EXOC6B: variants seen among roughly 807,000 people sequenced by gnomAD.
EXOC6B encodes the protein exocyst complex component 6B, also known as SEC15 homolog B.
Under a neutral mutation model 113.5 loss-of-function variants are expected in EXOC6B, and 54 were observed. The ratio of observed to expected loss-of-function variants is 0.48; its 90% CI spans 0.38 to 0.60. The LOEUF is 0.60. EXOC6B is among the 20% of genes least tolerant of loss of function. The pLI, the probability that EXOC6B is intolerant of heterozygous loss-of-function variation, is 0.00. For synonymous variants in EXOC6B, 357 were observed against 339.0 expected (o/e 1.05, Z -0.58); for missense variants, 797 against 977.5 (o/e 0.82, Z 2.46).
chr2:72,328,217 GAAAACTCTGCTTCCA>G (rs961251318), intron 20 of EXOC6B, among the ~76,000 whole-genome samples: 4 of 152,060 alleles, frequency 2.6e-5, no homozygotes, highest in African/African-American at 9.7e-5. Context: ...AAAACGACCA[GAAAACTCTGCTTCCA>G]AAAACCAAAG....
intron 20 of EXOC6B, among the ~76,000 whole-genome samples, chr2:72,332,075 A>C (rs1442085403): frequency 6.6e-6 from 1 of 151,614 alleles, no homozygotes; most frequent in Admixed American, 6.6e-5. Flanking sequence ...CATATAAGAC[A>C]GCAAGGCAAA....
Position 72,465,222 on chromosome 2 carries a change from C to T in EXOC6B, c.1918G>A (p.Asp640Asn). ...AAGGCAATGAGGTCTACCAGGTAAT[C>T]ACTAGCTTTGTTGCCCAAATCTCCG... The part of the protein sequence containing the change: ...MTGDLGNKAS[D>N]YLVDLIAFLR... The change falls in exon 18 of 22, where the codon GAT (aspartate) becomes AAT (asparagine). Residue 640 changes from aspartate (D) to asparagine (N), a missense_variant. Coordinates refer to ENST00000272427, the MANE Select transcript of EXOC6B (RefSeq NM_015189.3). 1 of 1,611,786 alleles carries T rather than the reference C, an allele frequency of 6.2e-7. No individual in the cohort carries two copies. The highest frequency in any genetic ancestry group is 8.5e-7 in the Non-Finnish European group (1 of 1,178,968).
At chr2:72,401,638 CATAT>C (rs1343954890) in intron 18 of EXOC6B, among the ~76,000 whole-genome samples, 1 of 15,486 alleles carries the variant, frequency 6.5e-5, no homozygotes, top group East Asian at 1.0e-3. Context: ...TATATATATA[CATAT>C]ATACATATAT....
chr2:72,405,824 A>C (rs1348269133), intron 18 of EXOC6B, among the ~76,000 whole-genome samples: 1 of 152,204 alleles, frequency 6.6e-6, no homozygotes, highest in Non-Finnish European at 1.5e-5. Flanking sequence ...CTAACATCAT[A>C]ATGACAGGAT....
chr2:72,595,268 TATATATAG>T (rs1187657801), intron 6 of EXOC6B, among the ~76,000 whole-genome samples: 17 of 146,834 alleles, frequency 1.2e-4, no homozygotes, highest in African/African-American at 2.8e-4. Flanking sequence ...CTCAAATATA[TATATATAG>T]ATATATAGAT....
intron 5 of EXOC6B, among the ~76,000 whole-genome samples, chr2:72,729,397 G>A (rs1478959900): frequency 6.7e-6 from 1 of 148,486 alleles, no homozygotes; most frequent in African/African-American, 2.5e-5. Flanking sequence ...ATTCTGAGAA[G>A]TTGGTACACA....
rs186669015 is a variant in EXOC6B, at chr2:72,238,572, C to T, written c.2197-54385G>A. 3.2e-3 allele frequency among the ~76,000 whole-genome samples: 494 copies of T among 152,234 alleles called. 2 individuals carry two copies. The highest frequency in any genetic ancestry group is 0.011 in the African/African-American group (469 of 41,532). On this transcript the variant is annotated intron_variant, in intron 20 of 21. Transcript: ENST00000272427. ...ACATCCCCACCAATGCTTGTTGTTA[C>T]TTGTCTTTTTTATTCTAGCTATCCT...
At chr2:72,227,357 AGGGTCACTACACAC>A (rs1390135040) in intron 20 of EXOC6B, among the ~76,000 whole-genome samples, 1 of 152,184 alleles carries the variant, frequency 6.6e-6, no homozygotes, top group East Asian at 1.9e-4. Context: ...AGGAATAAAA[AGGGTCACTACACAC>A]TAGTAAAAGA....
intron 20 of EXOC6B, among the ~76,000 whole-genome samples, chr2:72,293,344 A>T (rs963764406): frequency 5.9e-5 from 9 of 152,158 alleles, no homozygotes; most frequent in African/African-American, 2.2e-4. Flanking sequence ...AAGAATGGAG[A>T]CACAATATGG....
intron 20 of EXOC6B, among the ~76,000 whole-genome samples, chr2:72,250,882 C>T (rs1025174274): frequency 4.0e-5 from 6 of 151,084 alleles, no homozygotes; most frequent in Admixed American, 4.0e-4. Context: ...TGAGGTTTTG[C>T]TGTTGCCCAG....
chr2:72,785,819 T>C lies in EXOC6B; in HGVS notation c.113+39979A>G, dbSNP rs144965788. Among the ~76,000 whole-genome samples the C allele has an allele frequency of 4.8e-3, 732 of 152,358 alleles. 6 individuals carry two copies. Among genetic ancestry groups the C allele is most frequent in the Non-Finnish European group, 7.1e-3 (481 of 68,032 alleles). ...TTAACATTAGGCTCCTTGATACTTATCCAAATTTCTGCAGCTGGCTTAAAT... is the reference window on the plus strand; with the variant it reads ...TTAACATTAGGCTCCTTGATACTTACCCAAATTTCTGCAGCTGGCTTAAAT... On this transcript the variant is annotated intron_variant, in intron 1 of 21. Coordinates refer to ENST00000272427, the MANE Select transcript of EXOC6B (RefSeq NM_015189.3).
intron 6 of EXOC6B, among the ~76,000 whole-genome samples, chr2:72,708,777 T>C (rs2104677277): frequency 6.6e-6 from 1 of 152,254 alleles, no homozygotes; most frequent in South Asian, 2.1e-4. Context: ...TCACCCAGGC[T>C]GGACTACACT....
chr2:72,310,852 C>A (rs185622154), intron 20 of EXOC6B, among the ~76,000 whole-genome samples: 1 of 104,136 alleles, frequency 9.6e-6, no homozygotes, highest in East Asian at 2.2e-4. Flanking sequence ...TTTCATTTAA[C>A]ACACACACAC....
intron 5 of EXOC6B, among the ~76,000 whole-genome samples, chr2:72,730,762 C>T (rs754102680): frequency 1.3e-5 from 2 of 151,978 alleles, no homozygotes; most frequent in African/African-American, 4.8e-5. Context: ...ATGCTTTTCC[C>T]TAAAAGACTG....
intron 6 of EXOC6B, among the ~76,000 whole-genome samples, chr2:72,576,888 AAT>A (rs1704903339): frequency 1.3e-5 from 2 of 152,140 alleles, no homozygotes; most frequent in Admixed American, 6.5e-5. Context: ...TACATTTCTT[AAT>A]CAATATAAGA....
intron 6 of EXOC6B, among the ~76,000 whole-genome samples, chr2:72,696,964 T>C (rs1334792075): frequency 1.3e-5 from 2 of 152,202 alleles, no homozygotes; most frequent in South Asian, 2.1e-4. Flanking sequence ...GAAAAGAACA[T>C]ACAAAATTTG....
intron 6 of EXOC6B, among the ~76,000 whole-genome samples, chr2:72,605,393 G>A (rs1009749700): frequency 6.6e-6 from 1 of 151,968 alleles, no homozygotes; most frequent in African/African-American, 2.4e-5. Context: ...ACCATGGGGA[G>A]GGCTTCACAA....
At chr2:72,323,150 A>G (rs1197117640) in intron 20 of EXOC6B, among the ~76,000 whole-genome samples, 1 of 152,188 alleles carries the variant, frequency 6.6e-6, no homozygotes, top group Non-Finnish European at 1.5e-5. Flanking sequence ...AAAAACAAAC[A>G]ACCCCATCAA....
At chr2:72,501,172 T>C (rs1700302020) in intron 11 of EXOC6B, among the ~76,000 whole-genome samples, 1 of 152,202 alleles carries the variant, frequency 6.6e-6, no homozygotes, top group Admixed American at 6.5e-5. Context: ...TGGATATTTG[T>C]CCCCTCCAAA....
Sources: gnomAD v4.1 joint callset for allele counts (sites outside exome capture counted in the v4.1 genomes callset) on GRCh38, gnomAD v4.1.1 for gene constraint, MANE v1.5 for transcripts, NCBI Gene and HGNC (gene_info 2026-07-23, HGNC 2026-07-21) for gene names.